ADGRL3: variants seen among roughly 807,000 people sequenced by gnomAD.
The protein encoded by ADGRL3 is adhesion G protein-coupled receptor L3, also known as calcium-independent alpha-latrotoxin receptor 3.
A neutral mutation model predicts 153.5 loss-of-function variants in ADGRL3; 62 were observed. That is an observed-to-expected ratio of 0.40 (90% CI 0.33 to 0.50). ADGRL3 has a LOEUF of 0.50. ADGRL3 is among the 20% of genes least tolerant of loss of function. The pLI, the probability that ADGRL3 is intolerant of heterozygous loss-of-function variation, is 0.47. For missense variants in ADGRL3, 1,641 were observed against 1,859.4 expected (o/e 0.88, Z 2.16); for synonymous variants, 710 against 672.5 (o/e 1.06, Z -0.86).
intron 25 of ADGRL3, among the ~76,000 whole-genome samples, chr4:62,057,337 TCA>T (rs1737581849): frequency 6.6e-6 from 1 of 152,154 alleles, no homozygotes; most frequent in Non-Finnish European, 1.5e-5. Context: ...AAAAGAAATA[TCA>T]CAGTTTTGTG....
chr4:62,047,136 A>C (rs2151711790), intron 25 of ADGRL3, among the ~76,000 whole-genome samples: 1 of 152,028 alleles, frequency 6.6e-6, no homozygotes, highest in East Asian at 1.9e-4. Context: ...CAATTCATTT[A>C]GTTTTTTATA....
chr4:61,599,784 A>G (rs2149503875), intron 5 of ADGRL3, among the ~76,000 whole-genome samples: 1 of 152,296 alleles, frequency 6.6e-6, no homozygotes, highest in African/African-American at 2.4e-5. Context: ...AGAGAACAGG[A>G]GAAGGTCAGA....
intron 9 of ADGRL3, among the ~76,000 whole-genome samples, chr4:61,831,411 T>TAAAAAAAAAAAAAAAAAAAAAAA (rs1166970099): frequency 2.7e-5 from 1 of 37,274 alleles, no homozygotes; most frequent in Non-Finnish European, 4.7e-5. Context: ...AGATGCTAAG[T>TAAAAAAAAAAAAAAAAAAAAAAA]AAAAAAAAAA....
intron 1 of ADGRL3, among the ~76,000 whole-genome samples, chr4:61,210,092 G>A (rs1440483011): frequency 6.6e-6 from 1 of 152,130 alleles, no homozygotes; most frequent in Non-Finnish European, 1.5e-5. Flanking sequence ...CAGTTACAGT[G>A]CCAATAAGAG....
chr4:61,908,683 G>C (rs569394468), intron 11 of ADGRL3, among the ~76,000 whole-genome samples: 1 of 150,430 alleles, frequency 6.6e-6, no homozygotes, highest in Non-Finnish European at 1.5e-5. Flanking sequence ...TTTTTACTTT[G>C]TACACTTTTT....
chr4:61,719,759 G>A (rs1009824542), intron 6 of ADGRL3, among the ~76,000 whole-genome samples: 44 of 151,556 alleles, frequency 2.9e-4, no homozygotes, highest in African/African-American at 1.0e-3. Context: ...CCACCACTAC[G>A]CCTGGCTAAT....
In ADGRL3 at chr4:61,983,505, A is replaced by T. The variant is rs1019724311; in HGVS notation, c.3138A>T (p.Ser1046=). ...TGGAGGTTTTTGAGAGTGAACATTC[A>T]CGTAGGAAATACTTTTATCTGGTCG... ...MLVEVFESEH[S]RRKYFYLVGY... The change falls in exon 19 of 27, where the codon TCA becomes TCT. Residue 1046 remains serine (S), a synonymous_variant. Transcript: ENST00000683033. The T allele has an allele frequency of 3.6e-5, 58 of 1,613,852 alleles. No individual in the cohort carries two copies. The highest frequency in any genetic ancestry group is 4.7e-5 in the Non-Finnish European group (56 of 1,179,880).
At position 61,412,485 on chromosome 4, in the gene ADGRL3, G is replaced by A. The variant is rs538534368; in HGVS notation, c.-174+29296G>A. On this transcript the variant is annotated intron_variant, in intron 2 of 26. Coordinates refer to ENST00000683033, the MANE Select transcript of ADGRL3 (RefSeq NM_001387552.1). ...CATTGGTTGTTCTGGGAATACTGAT[G>A]TGGATGCCTGACTCAGCCTAGCCTA... Among the ~76,000 whole-genome samples, 152 of 152,312 alleles carry A rather than the reference G, an allele frequency of 1.0e-3. 4 individuals are homozygous for A. In the South Asian group the frequency reaches 0.022, roughly 22 times the overall value.
rs999632969 is a variant in ADGRL3 at position 61,259,371 on chromosome 4, C to T, written c.-240+57606C>T. Among the ~76,000 whole-genome samples the T allele has an allele frequency of 7.3e-5, 11 of 151,600 alleles. No homozygotes were observed. In the South Asian group the frequency reaches 1.5e-3, roughly 20 times the overall value. On this transcript the variant is annotated intron_variant, in intron 1 of 26. Coordinates refer to ENST00000683033, the MANE Select transcript of ADGRL3 (RefSeq NM_001387552.1). ...CCGGGAGGCGGAGTTTGCAGTGAGC[C>T]GAGATTGCGCCACTGCACTCCAGCC...
intron 4 of ADGRL3, among the ~76,000 whole-genome samples, chr4:61,562,598 C>T (rs929867525): frequency 2.0e-5 from 3 of 152,080 alleles, no homozygotes; most frequent in Admixed American, 6.6e-5. Context: ...TTTGCTCATC[C>T]CCAAGAAGCA....
chr4:61,680,834 C>G (rs2095320377), intron 6 of ADGRL3, among the ~76,000 whole-genome samples: 1 of 152,016 alleles, frequency 6.6e-6, no homozygotes, highest in Non-Finnish European at 1.5e-5. Flanking sequence ...TATATTTAAT[C>G]TTTTCTAAGT....
intron 8 of ADGRL3, among the ~76,000 whole-genome samples, chr4:61,754,852 G>C (rs2096802492): frequency 6.6e-6 from 1 of 151,896 alleles, no homozygotes; most frequent in East Asian, 1.9e-4. Flanking sequence ...TCCCACCTAT[G>C]AGTGAGAATA....
chr4:61,569,883 A>G (rs1245086758), intron 4 of ADGRL3, among the ~76,000 whole-genome samples: 1 of 152,192 alleles, frequency 6.6e-6, no homozygotes, highest in Non-Finnish European at 1.5e-5. Context: ...AACCACATAT[A>G]TCAAATTACA....
intron 4 of ADGRL3, among the ~76,000 whole-genome samples, chr4:61,586,221 A>C (rs944998313): frequency 6.6e-6 from 1 of 151,932 alleles, no homozygotes; most frequent in Admixed American, 6.6e-5. Context: ...CATCAATTTC[A>C]TTTTTTAGAA....
chr4:61,257,838 TGTG>T (rs2092130190), intron 1 of ADGRL3, among the ~76,000 whole-genome samples: 1 of 100,616 alleles, frequency 9.9e-6, no homozygotes, highest in Non-Finnish European at 2.1e-5. Context: ...GAATTAGAGG[TGTG>T]TGTGTGTGTG....
rs149967864 is a variant in ADGRL3, at chr4:61,566,032, G to A, written c.260-21195G>A. On this transcript the variant is annotated intron_variant, in intron 4 of 26. Coordinates refer to ENST00000683033, the MANE Select transcript of ADGRL3 (RefSeq NM_001387552.1). Reference sequence around the variant, plus strand: ...AAAATTATAATCGATTCAAGGAAAGGTGGGTAAGGGGATTTGCCCCAGAAC... The same window carrying A: ...AAAATTATAATCGATTCAAGGAAAGATGGGTAAGGGGATTTGCCCCAGAAC... Among the ~76,000 whole-genome samples, 227 of 152,296 alleles carry A rather than the reference G, an allele frequency of 1.5e-3. 1 individual carries two copies. Among genetic ancestry groups the A allele is most frequent in the African/African-American group, 5.2e-3 (217 of 41,560 alleles).
Position 62,076,178 on chromosome 4 carries a change from A to T in ADGRL3, c.*5270A>T, listed in dbSNP as rs546623560. 2.6e-5 allele frequency: 4 copies of T among 152,254 alleles called. No individual in the cohort carries two copies. Among genetic ancestry groups the T allele is most frequent in the Middle Eastern group, 3.4e-3 (1 of 292 alleles). 9.4% of individuals were successfully genotyped at this position (152,254 alleles called of 1,614,324 possible). On this transcript the variant is annotated 3_prime_UTR_variant, in exon 27 of 27. Coordinates refer to ENST00000683033, the MANE Select transcript of ADGRL3 (RefSeq NM_001387552.1). ...TCCTTCTTTATTTAAAAAAAAATTT[A>T]AAAGTCAGCACTTCTTTCACATCTA...
intron 1 of ADGRL3, among the ~76,000 whole-genome samples, chr4:61,261,389 A>T (rs7696771): frequency 0.12 from 18,470 of 151,696 alleles, 1,241 homozygotes; most frequent in Middle Eastern, 0.18. Flanking sequence ...CAAGGCCTAC[A>T]CATTTTTTTC....
chr4:61,899,604 A>C (rs529730556), intron 11 of ADGRL3, among the ~76,000 whole-genome samples: 1 of 152,336 alleles, frequency 6.6e-6, no homozygotes, highest in African/African-American at 2.4e-5. Context: ...TGTACCCTGA[A>C]GGGTGAACCA....
Sources: allele counts gnomAD v4.1 joint callset (sites outside exome capture counted in the v4.1 genomes callset), GRCh38; gene constraint gnomAD v4.1.1; transcripts MANE v1.5; gene names NCBI Gene and HGNC (gene_info 2026-07-23, HGNC 2026-07-21).